RARB: variants seen among roughly 807,000 people sequenced by gnomAD.
RARB encodes HBV-activated protein.
A neutral mutation model predicts 51.9 loss-of-function variants in RARB; 17 were observed. The ratio of observed to expected loss-of-function variants is 0.33; its 90% CI spans 0.22 to 0.49. RARB has a LOEUF of 0.49. RARB is among the 20% of genes least tolerant of loss of function. The pLI is 0.99. For synonymous variants in RARB, 215 were observed against 195.4 expected (o/e 1.10, Z -0.84); for missense variants, 369 against 550.8 (o/e 0.67, Z 3.30).
rs559299640 is a variant in RARB, at chr3:24,908,039, G to A, written c.-380+49287G>A. ...TTATCTTTATCAACATCCCAGAGAC[G>A]CTCAGGATTTGAGAGGTATTCCTTT... On this transcript the variant is annotated intron_variant, in intron 2 of 11. Coordinates refer to the RARB transcript ENST00000383772. 4.3e-4 allele frequency among the ~76,000 whole-genome samples: 65 copies of A among 152,132 alleles called. 1 individual carries two copies. The highest frequency in any genetic ancestry group is 3.3e-4 in the Admixed American group (5 of 15,264).
At chr3:25,352,746 T>C (rs2125458253) in intron 5 of RARB, among the ~76,000 whole-genome samples, 1 of 152,324 alleles carries the variant, frequency 6.6e-6, no homozygotes, top group South Asian at 2.1e-4. Flanking sequence ...TTCCATTATT[T>C]ACTGCATCCA....
intron 5 of RARB, among the ~76,000 whole-genome samples, chr3:25,257,293 A>C (rs1702889696): frequency 6.6e-6 from 1 of 152,104 alleles, no homozygotes; most frequent in African/African-American, 2.4e-5. Context: ...ATGTTGGCCA[A>C]CTGGACTGTG....
intron 2 of RARB, among the ~76,000 whole-genome samples, chr3:25,018,768 G>A (rs76428887): frequency 0.023 from 3,527 of 152,254 alleles, 59 homozygotes; most frequent in Non-Finnish European, 0.036. Flanking sequence ...TTGCTCATAG[G>A]TAAAATTGTA....
chr3:24,938,083 ATTGT>A (rs575642252), intron 2 of RARB, among the ~76,000 whole-genome samples: 80 of 152,130 alleles, frequency 5.3e-4, no homozygotes, highest in African/African-American at 1.8e-3. Context: ...GGTGGTGGTG[ATTGT>A]TTGAGGGAGG....
intron 2 of RARB, among the ~76,000 whole-genome samples, chr3:24,909,563 CTTTT>C (rs1304213068): frequency 1.4e-5 from 2 of 140,834 alleles, no homozygotes; most frequent in Non-Finnish European, 3.1e-5. Flanking sequence ...TTTTCTTCAT[CTTTT>C]TTTTTTTTTT....
chr3:25,428,325 G>T lies in RARB; in HGVS notation c.-407G>T, dbSNP rs1041453462. The T allele has an allele frequency of 3.7e-5, 46 of 1,245,724 alleles. No individual in the cohort carries two copies. The highest frequency in any genetic ancestry group is 4.3e-5 in the Non-Finnish European group (43 of 995,794). 77.2% of individuals were successfully genotyped at this position (1,245,724 alleles called of 1,614,324 possible). On this transcript the variant is annotated 5_prime_UTR_variant, in exon 1 of 8. Coordinates refer to ENST00000330688, the MANE Select transcript of RARB (RefSeq NM_000965.5). ...GGAGGGTCTATTCTTTGCCAAAGGG[G>T]GGACCAGAATTCCCCCATGCGAGCT...
chr3:25,197,683 G>C (rs1701279499), intron 5 of RARB, among the ~76,000 whole-genome samples: 1 of 151,792 alleles, frequency 6.6e-6, no homozygotes, highest in South Asian at 2.1e-4. Flanking sequence ...TTACTTTCTT[G>C]ATTTCAATAG....
At chr3:25,573,030 C>T (rs1700770402) in intron 4 of RARB, among the ~76,000 whole-genome samples, 1 of 152,138 alleles carries the variant, frequency 6.6e-6, no homozygotes. Context: ...CGGTCCCTCA[C>T]CACTGATGAG....
At chr3:25,468,757 C>G (rs1444282984) in intron 2 of RARB, among the ~76,000 whole-genome samples, 1 of 152,176 alleles carries the variant, frequency 6.6e-6, no homozygotes, top group African/African-American at 2.4e-5. Flanking sequence ...GAAGCGCTTA[C>G]AAGGCAGTCA....
In RARB at chr3:25,016,453, AGT is replaced by A. The variant is rs367778707; in HGVS notation, c.-379-43669_-379-43668del. On this transcript the variant is annotated intron_variant, in intron 2 of 11. Transcript: ENST00000383772. ...ATCCCCCAAAACTGAGACAACCAAAAGTGTCTTTGGACATTGACTAATTCCTG... is the reference window on the plus strand; with the variant it reads ...ATCCCCCAAAACTGAGACAACCAAAAGTCTTTGGACATTGACTAATTCCTG... Among the ~76,000 whole-genome samples the A allele has an allele frequency of 8.5e-5, 13 of 152,264 alleles. No homozygotes were observed. In the Middle Eastern group the frequency reaches 0.014, roughly 159 times the overall value.
intron 3 of RARB, among the ~76,000 whole-genome samples, chr3:25,077,383 G>C (rs1603989): frequency 0.71 from 108,571 of 152,026 alleles, 39,618 homozygotes; most frequent in Admixed American, 0.81. Context: ...TACAGACTGT[G>C]AGTCAACCAG....
chr3:25,580,360 C>T (rs944880765), intron 4 of RARB, among the ~76,000 whole-genome samples, 186 bp from the exon 5 acceptor site: 9 of 152,150 alleles, frequency 5.9e-5, no homozygotes, highest in South Asian at 2.1e-4. Context: ...GGTGACAGAG[C>T]GAGACTCCGT....
chr3:25,110,702 T>A (rs779458860), intron 3 of RARB, among the ~76,000 whole-genome samples: 1 of 152,204 alleles, frequency 6.6e-6, no homozygotes, highest in African/African-American at 2.4e-5. Flanking sequence ...TTAAAAGATA[T>A]TAAATTTCAA....
intron 5 of RARB, among the ~76,000 whole-genome samples, chr3:25,357,289 G>A (rs145160184): frequency 1.0e-3 from 154 of 152,282 alleles, no homozygotes; most frequent in African/African-American, 3.6e-3. Context: ...TCTTTCATAT[G>A]TTTGTTGGCT....
chr3:25,231,408 G>T (rs1281358350), intron 5 of RARB, among the ~76,000 whole-genome samples: 1 of 152,086 alleles, frequency 6.6e-6, no homozygotes, highest in Non-Finnish European at 1.5e-5. Context: ...TCTTCTAGCT[G>T]TCCAAAGTCA....
chr3:25,085,923 G>C (rs1257517029), intron 3 of RARB, among the ~76,000 whole-genome samples: 1 of 152,196 alleles, frequency 6.6e-6, no homozygotes, highest in Non-Finnish European at 1.5e-5. Context: ...AAGGAAGCTT[G>C]CTTCTTGTTT....
At chr3:25,191,099 T>G (rs1330873044) in intron 5 of RARB, among the ~76,000 whole-genome samples, 1 of 152,114 alleles carries the variant, frequency 6.6e-6, no homozygotes, top group Non-Finnish European at 1.5e-5. Flanking sequence ...ATTACAGACT[T>G]TGATATAACT....
intron 2 of RARB, among the ~76,000 whole-genome samples, chr3:24,978,374 T>C (rs1180038478): frequency 2.6e-5 from 4 of 152,132 alleles, no homozygotes; most frequent in Non-Finnish European, 4.4e-5. Flanking sequence ...GCTGTGAATC[T>C]GTCTGGTCCT....
intron 5 of RARB, among the ~76,000 whole-genome samples, chr3:25,242,529 G>C (rs924917518): frequency 1.3e-5 from 2 of 152,150 alleles, no homozygotes; most frequent in African/African-American, 4.8e-5. Context: ...CATATGACTA[G>C]CCAGTTTTCC....
Sources: allele counts gnomAD v4.1 joint callset (sites outside exome capture counted in the v4.1 genomes callset), GRCh38; gene constraint gnomAD v4.1.1; transcripts MANE v1.5; gene names NCBI Gene and HGNC (gene_info 2026-07-23, HGNC 2026-07-21).